ZNF346: variants seen among roughly 807,000 people sequenced by gnomAD.
ZNF346 encodes the protein double-stranded RNA-binding zinc finger protein JAZ.
ZNF346 carries 23 observed loss-of-function variants against 33.7 expected under a neutral mutation model. The ratio of observed to expected loss-of-function variants is 0.68; its 90% confidence interval spans 0.49 to 0.97. The LOEUF (loss-of-function observed/expected upper bound fraction) is 0.97, where lower values mean the gene tolerates loss of function less well. Ranked by LOEUF, ZNF346 falls within the 50% of genes least tolerant of loss-of-function variation. ZNF346 has a pLI of 0.00. For missense variants in ZNF346, 340 were observed against 371.1 expected, an observed-to-expected ratio of 0.92 and a Z score of 0.69; for synonymous variants, 134 against 142.4, an observed-to-expected ratio of 0.94 and a Z score of 0.42.
intron 4 of ZNF346, among the ~76,000 whole-genome samples, chr5:177,049,049 G>A (rs947876828): frequency 1.3e-5 from 2 of 152,020 alleles, no homozygotes; most frequent in Admixed American, 6.6e-5. Context: ...ACCTCCCAAA[G>A]TGCTGGGATT....
At chr5:177,035,022 C>CT (rs397966758) in intron 1 of ZNF346, among the ~76,000 whole-genome samples, 19,238 of 145,232 alleles carry the variant, frequency 0.13, 2,936 homozygotes, top group African/African-American at 0.37. Context: ...CTTTTCTTTT[C>CT]TTTTTTTTTT....
downstream of ZNF346, among the ~76,000 whole-genome samples, chr5:177,072,936 C>A (rs950344268): frequency 1.3e-5 from 2 of 152,230 alleles, no homozygotes; most frequent in African/African-American, 2.4e-5. Flanking sequence ...CTATAACTTG[C>A]AACCAAGATT....
chr5:177,050,177 G>T (rs1365432366), intron 4 of ZNF346, among the ~76,000 whole-genome samples: 1 of 152,186 alleles, frequency 6.6e-6, no homozygotes, highest in Non-Finnish European at 1.5e-5. Context: ...CCTATAATAT[G>T]CAATGTAGCC....
At chr5:177,051,733 T>G (rs1440921395) in intron 5 of ZNF346, 1 of 151,454 alleles carries the variant, frequency 6.6e-6, no homozygotes, top group Non-Finnish European at 1.5e-5. Context: ...GAGACAAGGT[T>G]TCACCATGTT....
intron 8 of ZNF346, among the ~76,000 whole-genome samples, chr5:177,075,925 G>A (rs1439798291): frequency 3.3e-5 from 5 of 152,160 alleles, no homozygotes; most frequent in Admixed American, 1.3e-4. Flanking sequence ...AACCTCAGGC[G>A]ATTGACCTGC....
intron 1 of ZNF346, among the ~76,000 whole-genome samples, chr5:177,036,659 C>A (rs908612374): frequency 2.0e-5 from 3 of 152,186 alleles, no homozygotes; most frequent in Non-Finnish European, 4.4e-5. Flanking sequence ...AGCACACCTC[C>A]GGCCAGTGAA....
intron 8 of ZNF346, among the ~76,000 whole-genome samples, chr5:177,073,480 T>G (rs1473805433): frequency 6.6e-6 from 1 of 152,068 alleles, no homozygotes; most frequent in Non-Finnish European, 1.5e-5. Flanking sequence ...ATTATCTTAT[T>G]TTTTGTAGAC....
chr5:177,068,323 A>G (rs1445013847), downstream of ZNF346, among the ~76,000 whole-genome samples: 1 of 144,338 alleles, frequency 6.9e-6, no homozygotes, highest in Admixed American at 6.7e-5. Context: ...AGAAACCCAA[A>G]TCAAAGCGAT....
intron 4 of ZNF346, among the ~76,000 whole-genome samples, chr5:177,046,792 T>A (rs1780101552): frequency 6.6e-6 from 1 of 152,166 alleles, no homozygotes. Context: ...TAACTCCGTG[T>A]ATATGTGCAT....
chr5:177,034,524 A>G (rs1424135429), intron 1 of ZNF346, among the ~76,000 whole-genome samples: 2 of 151,792 alleles, frequency 1.3e-5, no homozygotes, highest in Non-Finnish European at 2.9e-5. Flanking sequence ...ATCACACCCA[A>G]CCCTTAAATT....
chr5:177,031,831 T>C (rs2149594468), intron 1 of ZNF346, among the ~76,000 whole-genome samples: 1 of 152,260 alleles, frequency 6.6e-6, no homozygotes, highest in South Asian at 2.1e-4. Context: ...TTTCTATTGC[T>C]GTATCTTCAA....
At chr5:177,061,936 C>A in intron 5 of ZNF346, 122 bp from the exon 6 acceptor site, 3 of 786,906 alleles carry the variant, frequency 3.8e-6, no homozygotes, top group South Asian at 3.3e-5. Context: ...CTCATCAGGG[C>A]CAGCAACCTC....
intron 1 of ZNF346, among the ~76,000 whole-genome samples, chr5:177,030,198 C>A (rs1340061745): frequency 6.6e-6 from 1 of 152,082 alleles, no homozygotes; most frequent in East Asian, 1.9e-4. Context: ...TGTAAAATTT[C>A]TTCTTTGATA....
intron 1 of ZNF346, among the ~76,000 whole-genome samples, chr5:177,040,311 T>C (rs1481970534): frequency 6.6e-6 from 1 of 152,154 alleles, no homozygotes; most frequent in African/African-American, 2.4e-5. Flanking sequence ...ATGTTTCATA[T>C]AGTGTGGCAC....
chr5:177,047,492 C>T (rs913669499), intron 4 of ZNF346, among the ~76,000 whole-genome samples: 8 of 151,868 alleles, frequency 5.3e-5, no homozygotes. Context: ...GTGCCCACCA[C>T]CATACCCGGC....
At chr5:177,069,393 A>G (rs1237513040), downstream of ZNF346, among the ~76,000 whole-genome samples, 2 of 151,560 alleles carry the variant, frequency 1.3e-5, no homozygotes, top group African/African-American at 4.9e-5. Context: ...CGGAGGTTGC[A>G]AGTGAGCTGA....
chr5:177,063,060 A>G (rs1412863811), intron 6 of ZNF346, among the ~76,000 whole-genome samples: 1 of 147,330 alleles, frequency 6.8e-6, no homozygotes, highest in Non-Finnish European at 1.5e-5. Flanking sequence ...GTGCCACAAC[A>G]TAACGTTTTT....
chr5:177,038,065 C>T (rs1163124993), intron 1 of ZNF346, among the ~76,000 whole-genome samples: 1 of 151,336 alleles, frequency 6.6e-6, no homozygotes, highest in African/African-American at 2.4e-5. Flanking sequence ...TTGTGGCTGA[C>T]ACTTCCCCAT....
intron 4 of ZNF346, among the ~76,000 whole-genome samples, chr5:177,049,316 A>G (rs556653732): frequency 3.3e-5 from 5 of 152,338 alleles, no homozygotes; most frequent in African/African-American, 1.2e-4. Context: ...CAGGTATGGA[A>G]GAGCATCTGA....
Sources: gnomAD v4.1 joint callset for allele counts (sites outside exome capture counted in the v4.1 genomes callset) on GRCh38, gnomAD v4.1.1 for gene constraint, MANE v1.5 for transcripts, NCBI Gene and HGNC (gene_info 2026-07-23, HGNC 2026-07-21) for gene names.